Variants in NUMB observed in about 807,000 individuals in gnomAD.
NUMB encodes the protein protein numb homolog.
In NUMB, 29 loss-of-function variants were observed where a neutral mutation model predicts 59.7. That is an observed-to-expected ratio of 0.49 (90% CI 0.36 to 0.66). NUMB has a LOEUF of 0.66. Among genes scored for constraint, NUMB ranks in the 30% least tolerant of loss-of-function variants. The pLI is 0.00. For synonymous variants in NUMB, 288 were observed against 288.2 expected (o/e 1.00, Z 0.01); for missense variants, 723 against 822.0 (o/e 0.88, Z 1.47).
intron 1 of NUMB, among the ~76,000 whole-genome samples, chr14:73,441,205 G>A (rs1485712430): frequency 1.3e-5 from 2 of 152,078 alleles, no homozygotes; most frequent in African/African-American, 4.8e-5. Flanking sequence ...AAGCATATGA[G>A]AAGATTCTCA....
chr14:73,428,471 C>T (rs1007112767), intron 1 of NUMB, among the ~76,000 whole-genome samples: 4 of 152,176 alleles, frequency 2.6e-5, no homozygotes, highest in African/African-American at 9.6e-5. Flanking sequence ...CCACCACCTT[C>T]TCTCCTCCCA....
At position 73,276,734 on chromosome 14, in the gene NUMB, T is replaced by C; in HGVS notation, c.1800A>G (p.Ala600=). The change falls in exon 13 of 13, where the codon GCA becomes GCG. Residue 600 remains alanine, a synonymous_variant. Transcript: ENST00000555238. Reference sequence around the variant, plus strand: ...CTGTAGGAACCTCTGTATGCCTGTCTGCTGAGGCCAACCTGCCATCATCTA... The same window carrying C: ...CTGTAGGAACCTCTGTATGCCTGTCCGCTGAGGCCAACCTGCCATCATCTA... The part of the protein sequence containing the change: ...NGVDDGRLAS[A]DRHTEVPTGT... 1 of 1,613,832 alleles carries C rather than the reference T, an allele frequency of 6.2e-7. No homozygotes were observed. The highest frequency in any genetic ancestry group is 8.5e-7 in the Non-Finnish European group (1 of 1,179,918).
chr14:73,320,016 C>A (rs1327897955), intron 5 of NUMB, among the ~76,000 whole-genome samples: 1 of 152,010 alleles, frequency 6.6e-6, no homozygotes, highest in Non-Finnish European at 1.5e-5. Flanking sequence ...CCTGTAATCC[C>A]AGCTACTCGG....
In NUMB at chr14:73,279,418, C is replaced by T. The variant is rs1346576505; in HGVS notation, c.1103G>A (p.Gly368Asp). 1 of 1,582,030 alleles carries T rather than the reference C, an allele frequency of 6.3e-7. No individual in the cohort carries two copies. Among genetic ancestry groups the T allele is most frequent in the South Asian group, 1.2e-5 (1 of 85,360 alleles). The change falls in exon 12 of 13, where the codon GGC (glycine) becomes GAC (aspartate). Residue 368 changes from glycine (G) to aspartate (D), a missense_variant. Physicochemically the swap from Gly to Asp is moderately conservative, Grantham distance 94. This residue lies in a region of NUMB where 406 missense variants were observed against 385.4 expected (regional missense o/e 1.05). Coordinates refer to ENST00000555238, the MANE Select transcript of NUMB (RefSeq NM_001005743.2). ...APQSPTFQAN[G>D]TDSAFHVLAK... The stretch of plus-strand genomic sequence containing the variant: ...AAGCACATGGAAGGCTGAGTCAGTG[C>T]CATTAGCTACAACGGGAGCAGACAA...
At chr14:73,299,900 C>T (rs1040731025) in intron 6 of NUMB, among the ~76,000 whole-genome samples, 18 of 152,008 alleles carry the variant, frequency 1.2e-4, no homozygotes, top group African/African-American at 3.1e-4. Flanking sequence ...CTGAATTCAG[C>T]GCTACTATTC....
chr14:73,420,978 G>A (rs1193593056), intron 1 of NUMB, among the ~76,000 whole-genome samples: 1 of 151,968 alleles, frequency 6.6e-6, no homozygotes, highest in Non-Finnish European at 1.5e-5. Flanking sequence ...GCAACAAAAT[G>A]CGGAAAAAAA....
intron 1 of NUMB, among the ~76,000 whole-genome samples, chr14:73,414,047 C>T (rs1897016554): frequency 6.6e-6 from 1 of 151,454 alleles, no homozygotes; most frequent in African/African-American, 2.4e-5. Context: ...CTCCACCTCT[C>T]GGGTTCAAGG....
At chr14:73,335,859 A>C (rs906346647) in intron 4 of NUMB, among the ~76,000 whole-genome samples, 9 of 152,236 alleles carry the variant, frequency 5.9e-5, no homozygotes, top group Admixed American at 6.5e-5. Flanking sequence ...TATGCTATAT[A>C]GCAAACATAG....
At chr14:73,327,904 C>T (rs1426718674) in intron 4 of NUMB, among the ~76,000 whole-genome samples, 2 of 152,148 alleles carry the variant, frequency 1.3e-5, no homozygotes, top group Non-Finnish European at 2.9e-5. Context: ...CTCCGCCTGC[C>T]CTCCCCCACC....
chr14:73,338,772 T>C (rs1594922891), intron 4 of NUMB, among the ~76,000 whole-genome samples: 2 of 152,214 alleles, frequency 1.3e-5, no homozygotes, highest in South Asian at 2.1e-4. Flanking sequence ...TGAGGGCCCA[T>C]GGATGACAGC....
intron 2 of NUMB, among the ~76,000 whole-genome samples, chr14:73,401,483 G>A (rs142563949): frequency 8.0e-5 from 12 of 150,598 alleles, no homozygotes; most frequent in African/African-American, 2.9e-4. Context: ...AAGAAGTACA[G>A]ATCTGGAAGG....
intron 2 of NUMB, among the ~76,000 whole-genome samples, chr14:73,368,689 G>A (rs1031410734): frequency 2.0e-5 from 3 of 152,142 alleles, no homozygotes; most frequent in African/African-American, 7.2e-5. Flanking sequence ...GTATTAAGAG[G>A]AGTACAGAAA....
At chr14:73,324,119 T>C (rs571257107) in intron 4 of NUMB, among the ~76,000 whole-genome samples, 1 of 152,280 alleles carries the variant, frequency 6.6e-6, no homozygotes, top group Non-Finnish European at 1.5e-5. Flanking sequence ...ATTAACTGTA[T>C]CACAGAAGAA....
intron 2 of NUMB, among the ~76,000 whole-genome samples, chr14:73,383,887 G>C (rs911912689): frequency 6.6e-6 from 1 of 151,886 alleles, no homozygotes; most frequent in African/African-American, 2.4e-5. Flanking sequence ...ATGGTGGGAC[G>C]CGCCTATAGT....
Position 73,354,128 on chromosome 14 carries a change from T to C in NUMB, c.126+1498A>G, listed in dbSNP as rs1045200448. ...CCTGTCATATGGAAGATTTTTTTTT[T>C]CCCTTCAGAAGCTTTAGCCCATATT... is the stretch of plus-strand genomic sequence containing the variant. On this transcript the variant is annotated intron_variant, in intron 4 of 12. Transcript: ENST00000555238. Among the ~76,000 whole-genome samples the C allele has an allele frequency of 1.1e-4, 16 of 152,216 alleles. No homozygotes were observed. The South Asian group carries it at 1.9e-3, about 18-fold the overall frequency.
At chr14:73,380,552 T>C (rs1191317710) in intron 2 of NUMB, among the ~76,000 whole-genome samples, 1 of 152,142 alleles carries the variant, frequency 6.6e-6, no homozygotes, top group Non-Finnish European at 1.5e-5. Flanking sequence ...GTAGTAACTC[T>C]TCCCTCTGAA....
At chr14:73,365,570 A>C (rs1894308307) in intron 3 of NUMB, among the ~76,000 whole-genome samples, 1 of 152,058 alleles carries the variant, frequency 6.6e-6, no homozygotes, top group Non-Finnish European at 1.5e-5. Context: ...TAAGAGTTTC[A>C]GACCAGCCTG....
chr14:73,311,871 C>T (rs965410018), intron 6 of NUMB, among the ~76,000 whole-genome samples: 3 of 152,098 alleles, frequency 2.0e-5, no homozygotes, highest in African/African-American at 7.2e-5. Context: ...TCTCTCTCAC[C>T]AGTCTATTTC....
intron 1 of NUMB, among the ~76,000 whole-genome samples, chr14:73,450,872 C>T (rs947321948): frequency 4.0e-5 from 6 of 151,436 alleles, no homozygotes; most frequent in Non-Finnish European, 5.9e-5. Context: ...AGTAAATAAA[C>T]CAAACGCAGT....
Sources: gnomAD v4.1 joint callset for allele counts (sites outside exome capture counted in the v4.1 genomes callset) on GRCh38, gnomAD v4.1.1 for gene constraint, gnomAD v4.1.1 regional missense constraint, MANE v1.5 for transcripts, NCBI Gene and HGNC (gene_info 2026-07-23, HGNC 2026-07-21) for gene names.